CTNNA3: variants seen among roughly 807,000 people sequenced by gnomAD.
CTNNA3 encodes catenin alpha-3.
In CTNNA3, 76 loss-of-function variants were observed where a neutral mutation model predicts 95.7. That is an observed-to-expected ratio of 0.79 (90% CI 0.66 to 0.96). The LOEUF (loss-of-function observed/expected upper bound fraction) is 0.96. Ranked by LOEUF, CTNNA3 falls within the 40% of genes least tolerant of loss-of-function variation. The pLI is 0.00. For synonymous variants in CTNNA3, 431 were observed against 374.4 expected, an observed-to-expected ratio of 1.15 and a Z score of -1.74; for missense variants, 1,191 against 1,089.8, an observed-to-expected ratio of 1.09 and a Z score of -1.31.
intron 7 of CTNNA3, among the ~76,000 whole-genome samples, chr10:66,801,619 T>A (rs906088737): frequency 6.6e-6 from 1 of 151,600 alleles, no homozygotes; most frequent in Non-Finnish European, 1.5e-5. Context: ...GTCAAATAAA[T>A]AGATCCCTAT....
Position 66,698,237 on chromosome 10 carries a change from T to C in CTNNA3, c.1281+68027A>G, listed in dbSNP as rs1013907376. On this transcript the variant is annotated intron_variant, in intron 9 of 17. Coordinates refer to ENST00000433211, the MANE Select transcript of CTNNA3 (RefSeq NM_013266.4). ...AGAAAGCAAAGTGACCTAGCAAGAA[T>C]TGAGCTTTCCATATCTGGTGAAGCA... 2.6e-5 allele frequency among the ~76,000 whole-genome samples: 4 copies of C among 152,186 alleles called. No homozygotes were observed. In the South Asian group the frequency reaches 6.2e-4, roughly 24 times the overall value.
At chr10:66,441,870 G>C (rs892777312) in intron 11 of CTNNA3, among the ~76,000 whole-genome samples, 1 of 151,992 alleles carries the variant, frequency 6.6e-6, no homozygotes, top group African/African-American at 2.4e-5. Flanking sequence ...GGAGAATTTT[G>C]GTAAAGCAAA....
At chr10:67,489,566 A>C (rs1848576823) in intron 5 of CTNNA3, among the ~76,000 whole-genome samples, 1 of 152,112 alleles carries the variant, frequency 6.6e-6, no homozygotes, top group Admixed American at 6.5e-5. Flanking sequence ...GGGCTTAGAT[A>C]AGTATCTGGA....
At chr10:66,071,294 A>G (rs1335670178) in intron 14 of CTNNA3, among the ~76,000 whole-genome samples, 6 of 152,050 alleles carry the variant, frequency 3.9e-5, no homozygotes, top group Non-Finnish European at 7.3e-5. Context: ...ACTCTGATAG[A>G]AATAACTGTC....
In CTNNA3 at chr10:66,301,264, C is replaced by G. The variant is rs2091859414; in HGVS notation, c.1733-20643G>C. Among the ~76,000 whole-genome samples, 4 of 152,052 alleles carry G rather than the reference C, an allele frequency of 2.6e-5. No homozygotes were observed. In the South Asian group the frequency reaches 8.3e-4, roughly 32 times the overall value. On this transcript the variant is annotated intron_variant, in intron 12 of 17. Coordinates refer to ENST00000433211, the MANE Select transcript of CTNNA3 (RefSeq NM_013266.4). Reference sequence around the variant, plus strand: ...CAAACACTGAAGGAGGAAATTATACCAATTCTTTCCATCTCTTCCAGAAGG... The same window carrying G: ...CAAACACTGAAGGAGGAAATTATACGAATTCTTTCCATCTCTTCCAGAAGG...
At chr10:66,653,879 G>A (rs866712028) in intron 9 of CTNNA3, among the ~76,000 whole-genome samples, 6 of 152,124 alleles carry the variant, frequency 3.9e-5, no homozygotes, top group South Asian at 4.1e-4. Flanking sequence ...AATAAATTTT[G>A]TTGGGGAAAA....
chr10:67,286,637 A>T (rs1839613696), intron 5 of CTNNA3, among the ~76,000 whole-genome samples: 1 of 152,118 alleles, frequency 6.6e-6, no homozygotes, highest in African/African-American at 2.4e-5. Flanking sequence ...TTCTTACCAA[A>T]CTTAAAATTG....
At chr10:67,495,334 C>G (rs956076009) in intron 5 of CTNNA3, among the ~76,000 whole-genome samples, 1 of 152,146 alleles carries the variant, frequency 6.6e-6, no homozygotes, top group African/African-American at 2.4e-5. Context: ...CCCCTACACA[C>G]TATCCCAGAA....
intron 10 of CTNNA3, 33 bp from the exon 11 acceptor site, chr10:66,520,806 TG>T: frequency 6.4e-7 from 1 of 1,574,572 alleles, no homozygotes; most frequent in Non-Finnish European, 8.7e-7. Flanking sequence ...AATTACCTAT[TG>T]GTTGCAATGT....
intron 5 of CTNNA3, among the ~76,000 whole-genome samples, chr10:67,432,902 G>A (rs1022329599): frequency 1.3e-5 from 2 of 152,030 alleles, no homozygotes; most frequent in Admixed American, 1.3e-4. Flanking sequence ...TGACTTTATA[G>A]ACTGATTTGG....
chr10:66,037,417 A>T (rs2079588408), intron 15 of CTNNA3, among the ~76,000 whole-genome samples: 1 of 152,300 alleles, frequency 6.6e-6, no homozygotes, highest in East Asian at 1.9e-4. Context: ...TAGTTTATGA[A>T]GTTAAGCTGT....
chr10:66,109,420 T>A (rs2082034156), intron 13 of CTNNA3, among the ~76,000 whole-genome samples: 1 of 152,210 alleles, frequency 6.6e-6, no homozygotes, highest in African/African-American at 2.4e-5. Context: ...CCCTAGCTTC[T>A]ATCTACCACA....
At chr10:67,514,621 TATAAGAC>T (rs1222680986) in intron 5 of CTNNA3, among the ~76,000 whole-genome samples, 1 of 152,104 alleles carries the variant, frequency 6.6e-6, no homozygotes, top group Non-Finnish European at 1.5e-5. Context: ...GGTATGTCAA[TATAAGAC>T]ATGCACAAAT....
At chr10:67,349,724 A>G (rs1842562834) in intron 5 of CTNNA3, among the ~76,000 whole-genome samples, 2 of 152,154 alleles carry the variant, frequency 1.3e-5, no homozygotes, top group African/African-American at 4.8e-5. Flanking sequence ...ACAATAAAAT[A>G]ACATAAAAAA....
At chr10:66,483,821 G>A (rs1366201148) in intron 11 of CTNNA3, among the ~76,000 whole-genome samples, 4 of 151,974 alleles carry the variant, frequency 2.6e-5, no homozygotes, top group Admixed American at 2.6e-4. Flanking sequence ...GCCAGATGGG[G>A]CTAATGAACA....
At chr10:66,835,223 T>C (rs1842848969) in intron 7 of CTNNA3, among the ~76,000 whole-genome samples, 1 of 152,126 alleles carries the variant, frequency 6.6e-6, no homozygotes, top group Non-Finnish European at 1.5e-5. Flanking sequence ...ACAGTCAAGA[T>C]AAATGTAATA....
chr10:66,256,640 G>A (rs958738549), intron 13 of CTNNA3, among the ~76,000 whole-genome samples: 2 of 151,882 alleles, frequency 1.3e-5, no homozygotes, highest in Non-Finnish European at 2.9e-5. Context: ...AGAATTGCTT[G>A]AACCCGGGAG....
chr10:66,061,336 G>A (rs1216718806), intron 15 of CTNNA3, among the ~76,000 whole-genome samples: 1 of 152,084 alleles, frequency 6.6e-6, no homozygotes, highest in Non-Finnish European at 1.5e-5. Flanking sequence ...CAAGTTTTAT[G>A]TAAGTAATTT....
At chr10:65,970,701 T>C (rs2078078165) in intron 16 of CTNNA3, among the ~76,000 whole-genome samples, 1 of 148,098 alleles carries the variant, frequency 6.8e-6, no homozygotes, top group Admixed American at 6.8e-5. Context: ...AAAATATATG[T>C]ATTTTAAAAT....
Sources: gnomAD v4.1 joint callset for allele counts (sites outside exome capture counted in the v4.1 genomes callset) on GRCh38, gnomAD v4.1.1 for gene constraint, MANE v1.5 for transcripts, NCBI Gene and HGNC (gene_info 2026-07-23, HGNC 2026-07-21) for gene names.